The following KCNH5 variants were observed in gnomAD, a reference collection of about 807,000 sequenced individuals.
KCNH5 encodes voltage-gated delayed rectifier potassium channel KCNH5.
In KCNH5, 46 loss-of-function variants were observed where a neutral mutation model predicts 96.1. The ratio of observed to expected loss-of-function variants is 0.48; its 90% CI spans 0.38 to 0.61. KCNH5 has a LOEUF of 0.61. KCNH5 is among the 20% of genes least tolerant of loss of function. KCNH5 has a pLI of 0.00. For synonymous variants in KCNH5, 439 were observed against 449.8 expected, an observed-to-expected ratio of 0.98 and a Z score of 0.30; for missense variants, 907 against 1,225.8, an observed-to-expected ratio of 0.74 and a Z score of 3.88.
chr14:62,862,768 C>T (rs1418086279), intron 7 of KCNH5, among the ~76,000 whole-genome samples: 2 of 152,184 alleles, frequency 1.3e-5, no homozygotes, highest in Admixed American at 6.6e-5. Flanking sequence ...GTAGTCCCCA[C>T]TGAACCTAGC....
intron 4 of KCNH5, among the ~76,000 whole-genome samples, chr14:62,992,358 G>C (rs555823519): frequency 6.6e-6 from 1 of 152,200 alleles, no homozygotes; most frequent in Admixed American, 6.6e-5. Context: ...AGGACTGCCA[G>C]ATCAAATGGT....
At chr14:62,831,360 C>T (rs1595644189) in intron 8 of KCNH5, among the ~76,000 whole-genome samples, 1 of 152,142 alleles carries the variant, frequency 6.6e-6, no homozygotes, top group East Asian at 1.9e-4. Context: ...TTTGTTCCCC[C>T]TCTTAATCTG....
At chr14:62,866,543 A>G (rs1015499463) in intron 7 of KCNH5, among the ~76,000 whole-genome samples, 1 of 152,174 alleles carries the variant, frequency 6.6e-6, no homozygotes, top group Non-Finnish European at 1.5e-5. Flanking sequence ...AGAAATGTCA[A>G]CTATAATAAG....
intron 7 of KCNH5, among the ~76,000 whole-genome samples, chr14:62,926,438 G>A (rs900941666): frequency 1.3e-5 from 2 of 151,934 alleles, no homozygotes; most frequent in South Asian, 2.1e-4. Context: ...ACATGCACAC[G>A]CATACATAAA....
intron 7 of KCNH5, among the ~76,000 whole-genome samples, chr14:62,921,339 T>C (rs1209460840): frequency 6.6e-6 from 1 of 152,146 alleles, no homozygotes; most frequent in Non-Finnish European, 1.5e-5. Context: ...AAATCTGTTC[T>C]TTAAAATACA....
intron 6 of KCNH5, among the ~76,000 whole-genome samples, chr14:62,970,509 C>G (rs906730434): frequency 2.6e-5 from 4 of 152,094 alleles, no homozygotes; most frequent in Admixed American, 2.6e-4. Context: ...TACCCCAATA[C>G]CAAAACCAGA....
chr14:62,749,407 G>T (rs1355597747), intron 10 of KCNH5, among the ~76,000 whole-genome samples: 1 of 152,166 alleles, frequency 6.6e-6, no homozygotes, highest in African/African-American at 2.4e-5. Flanking sequence ...GGCAATTGGG[G>T]TACTAAGGAG....
intron 10 of KCNH5, among the ~76,000 whole-genome samples, chr14:62,779,017 G>A (rs1214619478): frequency 2.0e-5 from 3 of 152,122 alleles, no homozygotes; most frequent in Non-Finnish European, 4.4e-5. Flanking sequence ...ACAGACAGGC[G>A]ATCATTTTAG....
In KCNH5 at chr14:62,840,155, T is replaced by C. The variant is rs375453406; in HGVS notation, c.1569+9498A>G. 4.7e-4 allele frequency among the ~76,000 whole-genome samples: 72 copies of C among 152,316 alleles called. No homozygotes were observed. In the South Asian group the frequency reaches 0.015, roughly 32 times the overall value. On this transcript the variant is annotated intron_variant, in intron 8 of 10. Transcript: ENST00000322893. ...TAGTTTCCTTCCATATGAATGCAAATTTTAAAAATGGCTATGTCCATATTT... is the reference window on the plus strand; with the variant it reads ...TAGTTTCCTTCCATATGAATGCAAACTTTAAAAATGGCTATGTCCATATTT...
chr14:62,981,235 A>G lies in KCNH5; in HGVS notation c.579T>C (p.Pro193=). Residue 193 remains proline (P), a synonymous_variant, in exon 6 of 11, where the codon CCT becomes CCC. Coordinates refer to ENST00000322893, the MANE Select transcript of KCNH5 (RefSeq NM_139318.5). ...EVLQLGSDIL[P]QYKQEAPKTP... is the part of the protein sequence containing the mutation. ...TCTTTGGCGCTTCTTGTTTATACTGAGGAAGGATATCTGATCCCAGCTGAA... is the reference window on the plus strand; with the variant it reads ...TCTTTGGCGCTTCTTGTTTATACTGGGGAAGGATATCTGATCCCAGCTGAA... The G allele has an allele frequency of 1.2e-6, 2 of 1,614,106 alleles. No homozygotes were observed. Among genetic ancestry groups the G allele is most frequent in the Non-Finnish European group, 1.7e-6 (2 of 1,179,996 alleles).
chr14:63,002,628 TG>T (rs1891031838), intron 3 of KCNH5, among the ~76,000 whole-genome samples: 1 of 152,050 alleles, frequency 6.6e-6, no homozygotes, highest in South Asian at 2.1e-4. Context: ...TCTATTCCCA[TG>T]GCCTAAAAAA....
intron 7 of KCNH5, among the ~76,000 whole-genome samples, chr14:62,867,736 C>T (rs1888162512): frequency 6.6e-6 from 1 of 152,064 alleles, no homozygotes. Context: ...CATCTCTAAC[C>T]CTCTCTTCCT....
chr14:62,823,841 C>T (rs1004016027), intron 8 of KCNH5, among the ~76,000 whole-genome samples: 2 of 151,920 alleles, frequency 1.3e-5, no homozygotes, highest in African/African-American at 4.8e-5. Flanking sequence ...CTATTTCATA[C>T]GTTTTCCCCT....
intron 10 of KCNH5, among the ~76,000 whole-genome samples, chr14:62,750,616 A>T (rs751971089): frequency 6.6e-6 from 1 of 152,224 alleles, no homozygotes; most frequent in Admixed American, 6.5e-5. Flanking sequence ...CTTGGGCAGC[A>T]AAACAGCATC....
chr14:62,843,954 G>T (rs1887641420), intron 8 of KCNH5, among the ~76,000 whole-genome samples: 1 of 151,762 alleles, frequency 6.6e-6, no homozygotes. Flanking sequence ...CTGTCAAAAG[G>T]AAATTAACTT....
At chr14:62,875,835 T>C (rs114808687) in intron 7 of KCNH5, among the ~76,000 whole-genome samples, 2,343 of 152,106 alleles carry the variant, frequency 0.015, 60 homozygotes, top group African/African-American at 0.053. Flanking sequence ...GTGTTAGAAA[T>C]TGTCAATGTT....
At position 62,707,460 on chromosome 14, in the gene KCNH5, A is replaced by T. The variant is rs1274843732; in HGVS notation, c.*48T>A. 1.1e-6 allele frequency: 1 copy of T among 896,550 alleles called. No homozygotes were observed. The highest frequency in any genetic ancestry group is 1.7e-5 in the African/African-American group (1 of 57,860). 55.5% of individuals were successfully genotyped at this position (896,550 alleles called of 1,614,324 possible). A position where few individuals can be genotyped will look rare whatever the true frequency, so the allele number is the denominator to read the frequency against. On this transcript the variant is annotated 3_prime_UTR_variant, in exon 11 of 11. Coordinates refer to ENST00000322893, the MANE Select transcript of KCNH5 (RefSeq NM_139318.5). ...ATATGTATATACTGTATATACACAC[A>T]TATGTATATACTGTTTTAATATATT...
chr14:62,883,003 TCTA>T (rs1196795736), intron 7 of KCNH5, among the ~76,000 whole-genome samples: 32 of 152,234 alleles, frequency 2.1e-4, no homozygotes, highest in Non-Finnish European at 1.2e-4. Context: ...ATGATACGCT[TCTA>T]CAGTTAGATT....
rs143452404 is a variant in KCNH5, at chr14:62,750,900, G to A, written c.2019+28828C>T. Among the ~76,000 whole-genome samples, 3 of 152,180 alleles carry A rather than the reference G, an allele frequency of 2.0e-5. No individual in the cohort carries two copies. The South Asian group carries it at 6.2e-4, about 32-fold the overall frequency. On this transcript the variant is annotated intron_variant, in intron 10 of 10. Coordinates refer to ENST00000322893, the MANE Select transcript of KCNH5 (RefSeq NM_139318.5). Reference sequence around the variant, plus strand: ...CATACCCAGCTTTCCTGTTTCCCTGGTGCACAAAGCTACTTCTATCTGTAA... The same window carrying A: ...CATACCCAGCTTTCCTGTTTCCCTGATGCACAAAGCTACTTCTATCTGTAA...
Sources: gnomAD v4.1 joint callset for allele counts (sites outside exome capture counted in the v4.1 genomes callset) on GRCh38, gnomAD v4.1.1 for gene constraint, MANE v1.5 for transcripts, NCBI Gene and HGNC (gene_info 2026-07-23, HGNC 2026-07-21) for gene names.